Variants in STARD13 observed in about 807,000 individuals in gnomAD.
STARD13 encodes StAR related lipid transfer domain containing 13.
Under a neutral mutation model 106.4 loss-of-function variants are expected in STARD13, and 62 were observed. That is an observed-to-expected ratio of 0.58 (90% confidence interval 0.48 to 0.72). The LOEUF (loss-of-function observed/expected upper bound fraction) is 0.72. STARD13 is among the 30% of genes least tolerant of loss of function. STARD13 has a pLI of 0.00. For missense variants in STARD13, 1,387 were observed against 1,424.0 expected, an observed-to-expected ratio of 0.97 and a Z score of 0.42; for synonymous variants, 565 against 553.0, an observed-to-expected ratio of 1.02 and a Z score of -0.31.
At chr13:33,629,327 C>T in the STARD13 span, among the ~76,000 whole-genome samples, 1 of 152,188 alleles carries the variant, frequency 6.6e-6, no homozygotes, top group South Asian at 2.1e-4. Context: ...CTTAGACTGT[C>T]CTGGAAGAGG....
the STARD13 span, among the ~76,000 whole-genome samples, chr13:33,541,988 T>C: frequency 6.6e-6 from 1 of 152,198 alleles, no homozygotes; most frequent in Non-Finnish European, 1.5e-5. Context: ...CCTTTAAAAT[T>C]TGATAAAAGA....
intron 1 of STARD13, among the ~76,000 whole-genome samples, chr13:33,328,678 T>C (rs970431010): frequency 2.0e-5 from 3 of 152,240 alleles, no homozygotes; most frequent in African/African-American, 7.2e-5. Context: ...TGTGGTCTTA[T>C]AAATACAGTA....
At chr13:33,215,249 T>C (rs1887974887) in intron 1 of STARD13, among the ~76,000 whole-genome samples, 1 of 152,090 alleles carries the variant, frequency 6.6e-6, no homozygotes. Flanking sequence ...TGTTTCTGCC[T>C]TGTTGGAGTC....
chr13:33,541,583 ATCTT>A, the STARD13 span, among the ~76,000 whole-genome samples: 1 of 152,220 alleles, frequency 6.6e-6, no homozygotes, highest in Admixed American at 6.5e-5. Flanking sequence ...ATTTCGGACA[ATCTT>A]TCTTATATCC....
intron 1 of STARD13, among the ~76,000 whole-genome samples, chr13:33,188,947 A>C (rs912537561): frequency 2.0e-5 from 3 of 152,232 alleles, no homozygotes; most frequent in Non-Finnish European, 4.4e-5. Flanking sequence ...TTCTAGGCTT[A>C]AGCTGTGAAG....
chr13:33,659,842 T>C, the STARD13 span: 1 of 152,168 alleles, frequency 6.6e-6, no homozygotes, highest in Non-Finnish European at 1.5e-5. Flanking sequence ...CCCTCAACTG[T>C]GCCATTTATG....
chr13:33,365,900 G>A, the STARD13 span, among the ~76,000 whole-genome samples: 1 of 151,780 alleles, frequency 6.6e-6, no homozygotes, highest in Non-Finnish European at 1.5e-5. Context: ...TCTTTTCAAG[G>A]CTTTTCTTTT....
intron 1 of STARD13, among the ~76,000 whole-genome samples, chr13:33,314,239 G>T (rs1251958029): frequency 2.0e-5 from 3 of 152,124 alleles, no homozygotes; most frequent in African/African-American, 4.8e-5. Flanking sequence ...GATAAGAACT[G>T]GATAGGTACC....
chr13:33,160,953 C>A (rs918127968), intron 3 of STARD13, among the ~76,000 whole-genome samples: 1 of 152,154 alleles, frequency 6.6e-6, no homozygotes, highest in Non-Finnish European at 1.5e-5. Context: ...AATGCTCATA[C>A]AAAAACTTGA....
the STARD13 span, among the ~76,000 whole-genome samples, chr13:33,528,232 A>G: frequency 7.7e-6 from 1 of 129,764 alleles, no homozygotes; most frequent in African/African-American, 3.5e-5. Flanking sequence ...GTGTGTATAT[A>G]TATATATATA....
chr13:33,536,210 C>A, the STARD13 span, among the ~76,000 whole-genome samples: 1 of 152,104 alleles, frequency 6.6e-6, no homozygotes, highest in Non-Finnish European at 1.5e-5. Flanking sequence ...GCAAATAAGA[C>A]AACTAAATTG....
intron 1 of STARD13, among the ~76,000 whole-genome samples, chr13:33,275,067 C>A (rs1891353526): frequency 1.3e-5 from 2 of 152,144 alleles, no homozygotes; most frequent in African/African-American, 2.4e-5. Flanking sequence ...TACTATTTAT[C>A]TATAAGACCT....
chr13:33,315,553 G>GA (rs1893300313), intron 1 of STARD13, among the ~76,000 whole-genome samples: 1 of 152,158 alleles, frequency 6.6e-6, no homozygotes, highest in Non-Finnish European at 1.5e-5. Flanking sequence ...ATGGTAAATA[G>GA]AAACTCTTTG....
At chr13:33,538,003 G>A in the STARD13 span, among the ~76,000 whole-genome samples, 4 of 152,044 alleles carry the variant, frequency 2.6e-5, no homozygotes, top group Admixed American at 6.5e-5. Context: ...GAATTAAGAC[G>A]GAAAGTCACT....
chr13:33,534,182 A>C, the STARD13 span, among the ~76,000 whole-genome samples: 3 of 152,186 alleles, frequency 2.0e-5, no homozygotes, highest in African/African-American at 7.2e-5. Flanking sequence ...CTATACTCTC[A>C]GATTTCTCAT....
the STARD13 span, among the ~76,000 whole-genome samples, chr13:33,545,934 G>C: frequency 6.6e-6 from 1 of 152,198 alleles, no homozygotes; most frequent in Admixed American, 6.5e-5. Context: ...CCAGCCTCAG[G>C]TATTCCTTTA....
the STARD13 span, among the ~76,000 whole-genome samples, chr13:33,547,553 C>T: frequency 7.2e-5 from 11 of 152,090 alleles, no homozygotes; most frequent in East Asian, 1.9e-4. Context: ...AATTTTGTAA[C>T]GTAACCTTGA....
chr13:33,137,762 C>A (rs963360852), intron 4 of STARD13, among the ~76,000 whole-genome samples: 1 of 152,150 alleles, frequency 6.6e-6, no homozygotes, highest in Non-Finnish European at 1.5e-5. Context: ...ACTCAAATAC[C>A]CTACAGTTTT....
the STARD13 span, among the ~76,000 whole-genome samples, chr13:33,387,864 C>G: frequency 6.6e-6 from 1 of 152,212 alleles, no homozygotes; most frequent in African/African-American, 2.4e-5. Flanking sequence ...TCCAGATTGG[C>G]CGCTCCCAGA....
Sources: gnomAD v4.1 joint callset for allele counts (sites outside exome capture counted in the v4.1 genomes callset) on GRCh38, gnomAD v4.1.1 for gene constraint, MANE v1.5 for transcripts, NCBI Gene and HGNC (gene_info 2026-07-23, HGNC 2026-07-21) for gene names.